XRCC3: variants seen among roughly 807,000 people sequenced by gnomAD.
The protein encoded by XRCC3 is DNA repair protein XRCC3.
In XRCC3, 34 loss-of-function variants were observed where a neutral mutation model predicts 29.2. That is an observed-to-expected ratio of 1.16 (90% CI 0.88 to 1.55). The LOEUF (loss-of-function observed/expected upper bound fraction) is 1.55, where lower values mean the gene tolerates loss of function less well. Among genes scored for constraint, XRCC3 ranks in the 40% most tolerant of loss-of-function variants. XRCC3 has a pLI of 0.00. For missense variants in XRCC3, 463 were observed against 467.6 expected, an observed-to-expected ratio of 0.99 and a Z score of 0.09; for synonymous variants, 223 against 211.3, an observed-to-expected ratio of 1.06 and a Z score of -0.48.
chr14:103,701,484 CGTT>C (rs2083191352), intron 7 of XRCC3: 1 of 421,864 alleles, frequency 2.4e-6, no homozygotes, highest in African/African-American at 2.0e-5. Flanking sequence ...AACTTCCTCA[CGTT>C]GTGTGCGATA....
intron 4 of XRCC3, chr14:103,709,784 G>T (rs926358955): frequency 6.6e-6 from 1 of 152,252 alleles, no homozygotes; most frequent in Non-Finnish European, 1.5e-5. Flanking sequence ...ATTGGTTTTT[G>T]GATAAGAGAC....
chr14:103,710,692 A>T, intron 4 of XRCC3: 2 of 282,002 alleles, frequency 7.1e-6, no homozygotes, highest in Non-Finnish European at 1.4e-5. Flanking sequence ...CACTGAGCTG[A>T]GATCGCACCA....
rs147766261 is a variant in XRCC3, at chr14:103,707,512, C to T, written c.194-297G>A. The T allele has an allele frequency of 1.1e-4, 57 of 507,272 alleles. 1 individual carries two copies. The highest frequency in any genetic ancestry group is 8.3e-4 in the African/African-American group (43 of 51,836). 31.4% of individuals were successfully genotyped at this position (507,272 alleles called of 1,614,324 possible). ...GCCTTCAGCCAAAGCTTCCAGAGAG[C>T]CCCGAGGCGCTCCCTAACAGCCTCC... is the stretch of plus-strand genomic sequence containing the variant. On this transcript the variant is annotated intron_variant, in intron 5 of 9. Coordinates refer to ENST00000555055, the MANE Select transcript of XRCC3 (RefSeq NM_005432.4).
intron 7 of XRCC3, chr14:103,702,950 T>C (rs967181698): frequency 1.6e-5 from 11 of 666,960 alleles, no homozygotes; most frequent in Admixed American, 1.4e-4. Flanking sequence ...GGCAGGATGC[T>C]TTAGCCAGAA....
chr14:103,708,089 C>T (rs1030668031), intron 5 of XRCC3: 1 of 304,780 alleles, frequency 3.3e-6, no homozygotes, highest in Admixed American at 4.6e-5. Flanking sequence ...GGATGGAAAC[C>T]TTGTCCGTCC....
At chr14:103,706,095 G>A (rs1013766667) in intron 6 of XRCC3, 1 of 342,658 alleles carries the variant, frequency 2.9e-6, no homozygotes, top group African/African-American at 2.2e-5. Flanking sequence ...GGGCTCTCAG[G>A]AGACCCCTCA....
chr14:103,702,944 G>T, intron 7 of XRCC3: 1 of 638,828 alleles, frequency 1.6e-6, no homozygotes, highest in Non-Finnish European at 2.7e-6. Flanking sequence ...GGTCCTGGCA[G>T]GATGCTTTAG....
chr14:103,708,802 C>T (rs2083530255), intron 4 of XRCC3, 143 bp from the exon 5 acceptor site: 1 of 1,098,154 alleles, frequency 9.1e-7, no homozygotes, highest in African/African-American at 1.6e-5. Flanking sequence ...GACCGGATCC[C>T]CTGCTCCCTG....
chr14:103,699,748 A>G (rs1264360779), intron 7 of XRCC3, among the ~76,000 whole-genome samples, 172 bp from the exon 8 acceptor site: 1 of 152,012 alleles, frequency 6.6e-6, no homozygotes, highest in Non-Finnish European at 1.5e-5. Context: ...ATTTTTCTCA[A>G]AGAGGCCCCA....
chr14:103,701,002 T>C (rs577875364), intron 7 of XRCC3, among the ~76,000 whole-genome samples: 38 of 152,308 alleles, frequency 2.5e-4, no homozygotes, highest in Admixed American at 2.3e-3. Context: ...CGCAGGCCTT[T>C]GGTGCTCCAG....
chr14:103,699,024 A>G lies in XRCC3; in HGVS notation c.822-7T>C, dbSNP rs1304741538. The G allele has an allele frequency of 1.3e-6, 2 of 1,579,566 alleles. No homozygotes were observed. The highest frequency in any genetic ancestry group is 1.4e-5 in the African/African-American group (1 of 73,908). ...AACACGTTCGTCCCAGAACCTGAGA[A>G]ACAGGAAGCAGGCAAGCTGGCGCTC... is the stretch of plus-strand genomic sequence containing the variant. On this transcript the variant is annotated splice_polypyrimidine_tract_variant and splice_region_variant and intron_variant, in intron 9 of 9. Coordinates refer to ENST00000555055, the MANE Select transcript of XRCC3 (RefSeq NM_005432.4).
chr14:103,699,265 G>A, intron 8 of XRCC3, 86 bp from the exon 9 acceptor site: 1 of 1,539,724 alleles, frequency 6.5e-7, no homozygotes, highest in Non-Finnish European at 8.7e-7. Context: ...GGAGCCGGAG[G>A]CCACCTCACT....
rs569536698 is a variant in XRCC3 at position 103,708,830 on chromosome 14, G to A, written c.56-171C>T. 19 of 831,358 alleles carry A rather than the reference G, an allele frequency of 2.3e-5. No individual in the cohort carries two copies. The South Asian group carries it at 2.8e-4, about 12-fold the overall frequency. 51.5% of individuals were successfully genotyped at this position (831,358 alleles called of 1,614,324 possible). A position where few individuals can be genotyped will look rare whatever the true frequency, so the allele number is the denominator to read the frequency against. On this transcript the variant is annotated intron_variant, in intron 4 of 9. Transcript: ENST00000555055. ...GCTCCCTGGAAACCCTGGACACAGT[G>A]TGGCCGATGCACAGGCACGAGGAAA...
chr14:103,710,853 A>AACACACACACAC (rs71126055), intron 4 of XRCC3, 180 bp downstream of exon 4: 409 of 563,380 alleles, frequency 7.3e-4, no homozygotes, highest in Middle Eastern at 2.2e-3. Flanking sequence ...TGTAGTTAAG[A>AACACACACACAC]ACACACACAC....
intron 2 of XRCC3, chr14:103,712,408 A>C (rs2083668776): frequency 6.5e-6 from 1 of 152,898 alleles, no homozygotes; most frequent in South Asian, 2.1e-4. Context: ...AGAGTGAGGA[A>C]GTGAGGTTCC....
intron 7 of XRCC3, chr14:103,701,882 AAG>A (rs2083217775): frequency 1.4e-5 from 2 of 146,150 alleles, no homozygotes; most frequent in East Asian, 2.2e-4. Context: ...AAAAAAAAAA[AAG>A]AGAAGTGGGG....
At chr14:103,706,567 G>A (rs1005577600) in intron 6 of XRCC3, 14 of 380,672 alleles carry the variant, frequency 3.7e-5, no homozygotes, top group South Asian at 1.6e-4. Context: ...GGGAACCCTC[G>A]TTTCACAGAC....
At chr14:103,699,060 G>T (rs1384038698) in intron 9 of XRCC3, 43 bp from the exon 10 acceptor site, 3 of 1,563,842 alleles carry the variant, frequency 1.9e-6, no homozygotes, top group Non-Finnish European at 2.6e-6. Context: ...AGGCTTGGTG[G>T]CCCCGCCCAC....
chr14:103,698,786 G>C lies in XRCC3; in HGVS notation c.*12C>G, dbSNP rs1464406975. 2 of 1,581,656 alleles carry C rather than the reference G, an allele frequency of 1.3e-6. No individual in the cohort carries two copies. Among genetic ancestry groups the C allele is most frequent in the African/African-American group, 1.3e-5 (1 of 74,276 alleles). On this transcript the variant is annotated 3_prime_UTR_variant, in exon 10 of 10. Coordinates refer to ENST00000555055, the MANE Select transcript of XRCC3 (RefSeq NM_005432.4). ...GCTTCTCAGGCAGGGCTGTTGTGCA[G>C]CCGCCACCGTGTCAGTGGGACTGGG... is the stretch of plus-strand genomic sequence containing the variant.
Sources: allele counts gnomAD v4.1 joint callset (sites outside exome capture counted in the v4.1 genomes callset), GRCh38; gene constraint gnomAD v4.1.1; transcripts MANE v1.5; gene names NCBI Gene and HGNC (gene_info 2026-07-23, HGNC 2026-07-21).